FABP7: variants seen among roughly 807,000 people sequenced by gnomAD.
FABP7 encodes the protein fatty acid-binding protein, brain.
FABP7 carries 13 observed loss-of-function variants against 14.2 expected under a neutral mutation model. That is an observed-to-expected ratio of 0.91 (90% confidence interval 0.59 to 1.45). The LOEUF is 1.45. FABP7 is among the 40% of genes most tolerant of loss of function. The pLI is 0.00. For missense variants in FABP7, 149 were observed against 157.6 expected, an observed-to-expected ratio of 0.95 and a Z score of 0.29; for synonymous variants, 49 against 51.4, an observed-to-expected ratio of 0.95 and a Z score of 0.20.
chr6:122,781,512 C>T, intron 3 of FABP7: 1 of 1,329,942 alleles, frequency 7.5e-7, no homozygotes, highest in East Asian at 2.6e-5. Flanking sequence ...GGATGTCTCT[C>T]AAATAAAATT....
At chr6:122,758,832 T>C in the FABP7 span, among the ~76,000 whole-genome samples, 34 of 152,356 alleles carry the variant, frequency 2.2e-4, no homozygotes, top group African/African-American at 8.2e-4. Context: ...ATATAAGTTA[T>C]GAATAAATAA....
At chr6:122,783,645 TATGATGATCTTTAAA>T in intron 3 of FABP7, 57 bp from the exon 4 acceptor site, 1 of 1,545,934 alleles carries the variant, frequency 6.5e-7, no homozygotes, top group East Asian at 2.4e-5. Flanking sequence ...AGATCACATA[TATGATGATCTTTAAA>T]ATTCGGTGAC....
chr6:122,780,790 A>T (rs1780763030), intron 2 of FABP7, among the ~76,000 whole-genome samples: 1 of 152,232 alleles, frequency 6.6e-6, no homozygotes, highest in African/African-American at 2.4e-5. Flanking sequence ...CCTCAGATTG[A>T]CTAAATAGAC....
the FABP7 span, among the ~76,000 whole-genome samples, chr6:122,753,788 C>CA: frequency 1.1e-5 from 1 of 87,842 alleles, no homozygotes; most frequent in Non-Finnish European, 2.3e-5. Context: ...AATCCCGCCC[C>CA]CCCCCCGCCC....
the FABP7 span, among the ~76,000 whole-genome samples, chr6:122,763,269 AC>A: frequency 1.3e-5 from 2 of 152,360 alleles, no homozygotes; most frequent in South Asian, 4.1e-4. Flanking sequence ...GACAAACCTG[AC>A]AAAAACAAGA....
chr6:122,763,812 A>C, the FABP7 span, among the ~76,000 whole-genome samples: 1 of 152,254 alleles, frequency 6.6e-6, no homozygotes. Context: ...ACTGGTCATC[A>C]GAGAAATGCA....
chr6:122,781,516 T>C lies in FABP7; in HGVS notation c.348+322T>C, dbSNP rs577776340. ...AGGATAACTATGGATGTCTCTCAAATAAAATTTAATATAAAGCCCATAATC... is the reference window on the plus strand; with the variant it reads ...AGGATAACTATGGATGTCTCTCAAACAAAATTTAATATAAAGCCCATAATC... On this transcript the variant is annotated intron_variant, in intron 3 of 3. Transcript: ENST00000368444. 55 of 1,333,292 alleles carry C rather than the reference T, an allele frequency of 4.1e-5. No homozygotes were observed. In the Admixed American group the frequency reaches 1.6e-3, roughly 38 times the overall value. The allele number at this position is 1,333,292 out of a possible 1,614,324, so 82.6% of individuals were successfully genotyped here.
At chr6:122,769,465 T>C in the FABP7 span, among the ~76,000 whole-genome samples, 2 of 152,130 alleles carry the variant, frequency 1.3e-5, no homozygotes, top group East Asian at 1.9e-4. Context: ...AATTTATTAT[T>C]ATATGTTTAC....
chr6:122,767,643 G>T, the FABP7 span, among the ~76,000 whole-genome samples: 1 of 151,852 alleles, frequency 6.6e-6, no homozygotes, highest in Non-Finnish European at 1.5e-5. Context: ...AGGCATAGTG[G>T]CTAATGCCTG....
At chr6:122,767,013 G>C in the FABP7 span, among the ~76,000 whole-genome samples, 2 of 151,992 alleles carry the variant, frequency 1.3e-5, no homozygotes, top group African/African-American at 2.4e-5. Flanking sequence ...ATTTTCAGTA[G>C]TCTCAGGGAA....
the FABP7 span, among the ~76,000 whole-genome samples, chr6:122,756,475 A>G: frequency 6.6e-6 from 1 of 152,162 alleles, no homozygotes; most frequent in Non-Finnish European, 1.5e-5. Context: ...GCTCACCAAC[A>G]TATATGCATC....
At chr6:122,774,359 CAAAAAAAAAA>C in the FABP7 span, among the ~76,000 whole-genome samples, 6 of 66,624 alleles carry the variant, frequency 9.0e-5, no homozygotes, top group African/African-American at 1.4e-4. Context: ...TAGACTCTGT[CAAAAAAAAAA>C]AAAAAAAAAA....
Position 122,779,798 on chromosome 6 carries a change from G to T in FABP7, c.4G>T (p.Val2Leu), listed in dbSNP as rs138028097. ...CTAAAGAGGGGAAAGGGCAAGGATGGTGGAGGCTTTCTGTGCTACCTGGAA... is the reference window on the plus strand; with the variant it reads ...CTAAAGAGGGGAAAGGGCAAGGATGTTGGAGGCTTTCTGTGCTACCTGGAA... M[V>L]EAFCATWKLT... The change falls in exon 1 of 4, where the codon GTG (valine) becomes TTG (leucine). Residue 2 changes from valine to leucine, a missense_variant. Physicochemically the swap from Val to Leu is conservative, Grantham distance 32. Transcript: ENST00000368444. The T allele has an allele frequency of 2.7e-5, 43 of 1,614,016 alleles. No individual in the cohort carries two copies. Among genetic ancestry groups the T allele is most frequent in the Non-Finnish European group, 3.1e-5 (37 of 1,180,026 alleles).
chr6:122,779,188 C>G (rs550299125), upstream of FABP7, among the ~76,000 whole-genome samples: 1 of 152,240 alleles, frequency 6.6e-6, no homozygotes, highest in South Asian at 2.1e-4. Flanking sequence ...GTTTGGCCTA[C>G]TCTAGCCTGC....
At chr6:122,782,225 G>A (rs1002701888) in intron 3 of FABP7, 4 of 973,654 alleles carry the variant, frequency 4.1e-6, no homozygotes, top group East Asian at 1.1e-4. Context: ...GTGTCCTAAG[G>A]CTGCCACAAC....
the FABP7 span, among the ~76,000 whole-genome samples, chr6:122,763,066 A>C: frequency 1.6e-4 from 24 of 152,352 alleles, no homozygotes; most frequent in Non-Finnish European, 1.2e-4. Context: ...ACCAAAAAAG[A>C]GACCACATTG....
chr6:122,774,028 A>C, the FABP7 span, among the ~76,000 whole-genome samples: 2 of 152,136 alleles, frequency 1.3e-5, no homozygotes, highest in Non-Finnish European at 2.9e-5. Context: ...TTTGTATGAT[A>C]AAAGCCACAG....
chr6:122,764,373 C>G, the FABP7 span, among the ~76,000 whole-genome samples: 1 of 151,904 alleles, frequency 6.6e-6, no homozygotes, highest in Non-Finnish European at 1.5e-5. Context: ...GAACATCACA[C>G]ACCAGGGCCT....
chr6:122,776,226 A>G (rs1273076585), upstream of FABP7, among the ~76,000 whole-genome samples: 1 of 152,188 alleles, frequency 6.6e-6, no homozygotes, highest in Non-Finnish European at 1.5e-5. Flanking sequence ...CTGTGCTTCC[A>G]TGTTTATTAC....
Sources: allele counts gnomAD v4.1 joint callset (sites outside exome capture counted in the v4.1 genomes callset), GRCh38; gene constraint gnomAD v4.1.1; transcripts MANE v1.5; gene names NCBI Gene and HGNC (gene_info 2026-07-23, HGNC 2026-07-21).